IL1RAPL1: variants seen among roughly 807,000 people sequenced by gnomAD.
IL1RAPL1 encodes the protein interleukin-1 receptor accessory protein-like 1.
Under a neutral mutation model 48.4 loss-of-function variants are expected in IL1RAPL1, and 3 were observed. That is an observed-to-expected ratio of 0.06 (90% confidence interval 0.03 to 0.16). The LOEUF is 0.16. Among genes scored for constraint, IL1RAPL1 ranks in the 10% least tolerant of loss-of-function variants. IL1RAPL1 has a pLI of 1.00. For synonymous variants in IL1RAPL1, 185 were observed against 187.7 expected (o/e 0.99, Z 0.12); for missense variants, 349 against 530.6 (o/e 0.66, Z 3.36).
At chrX:28,631,698 A>G (rs1460500350) in intron 1 of IL1RAPL1, among the ~76,000 whole-genome samples, 1 of 112,725 alleles carries the variant, frequency 8.9e-6, no homozygotes, top group East Asian at 2.8e-4. Context: ...GCTTTTCTCC[A>G]AAGTAGATTT....
intron 2 of IL1RAPL1, among the ~76,000 whole-genome samples, chrX:29,074,772 A>G (rs1186741077): frequency 1.8e-5 from 2 of 112,174 alleles, no homozygotes; most frequent in Non-Finnish European, 3.8e-5. Context: ...TCATCTCCAA[A>G]CATTTTATCT....
chrX:28,888,666 T>TA (rs200993695), intron 2 of IL1RAPL1, among the ~76,000 whole-genome samples: 33 of 106,801 alleles, frequency 3.1e-4, no homozygotes, highest in Middle Eastern at 4.9e-3. Context: ...TCCATTATCT[T>TA]AAAAAAAAAA....
intron 6 of IL1RAPL1, among the ~76,000 whole-genome samples, chrX:29,694,446 G>GT (rs1323680028): frequency 9.0e-6 from 1 of 111,686 alleles, no homozygotes; most frequent in Non-Finnish European, 1.9e-5. Context: ...AAAAACTGAT[G>GT]TTTTTGCGTA....
At chrX:29,670,717 G>T (rs147508013) in intron 6 of IL1RAPL1, among the ~76,000 whole-genome samples, 12,542 of 111,552 alleles carry the variant, frequency 0.11, 664 homozygotes, top group Middle Eastern at 0.22. Context: ...ATATGTATTT[G>T]GACTTTTCAT....
chrX:29,779,543 G>A (rs1249463079), intron 6 of IL1RAPL1, among the ~76,000 whole-genome samples: 1 of 110,769 alleles, frequency 9.0e-6, no homozygotes, highest in Non-Finnish European at 1.9e-5. Flanking sequence ...CCCAACTCCC[G>A]TGACACGCAA....
At chrX:28,906,702 GATAA>G (rs201791428) in intron 2 of IL1RAPL1, among the ~76,000 whole-genome samples, 1,534 of 111,659 alleles carry the variant, frequency 0.014, 27 homozygotes, top group African/African-American at 0.048. Context: ...GATTTAAACT[GATAA>G]ATAAATTAAG....
chrX:29,113,835 G>C (rs1928621803), intron 2 of IL1RAPL1, among the ~76,000 whole-genome samples: 1 of 111,384 alleles, frequency 9.0e-6, no homozygotes, highest in Admixed American at 9.6e-5. Context: ...ATAATGATAA[G>C]TTTTTATTTC....
At chrX:29,164,991 G>A (rs1929759039) in intron 2 of IL1RAPL1, among the ~76,000 whole-genome samples, 1 of 111,979 alleles carries the variant, frequency 8.9e-6, no homozygotes, top group Non-Finnish European at 1.9e-5. Context: ...TCTAACTTGT[G>A]CTTGTAATTT....
chrX:29,446,531 C>G (rs940630523), intron 5 of IL1RAPL1, among the ~76,000 whole-genome samples: 14 of 111,376 alleles, frequency 1.3e-4, no homozygotes, highest in Admixed American at 1.2e-3. Context: ...CTGCTATTTC[C>G]TAAGGCTTAA....
chrX:29,466,813 G>A (rs1602249193), intron 5 of IL1RAPL1, among the ~76,000 whole-genome samples: 2 of 112,068 alleles, frequency 1.8e-5, no homozygotes, highest in Non-Finnish European at 3.8e-5. Context: ...ATGCTGTGAA[G>A]TAGGCAGGGA....
chrX:28,859,550 G>A (rs964879898), intron 2 of IL1RAPL1, among the ~76,000 whole-genome samples: 4 of 110,857 alleles, frequency 3.6e-5, no homozygotes, highest in African/African-American at 6.5e-5. Flanking sequence ...GAGCCACCGC[G>A]CCTGGGCAAG....
At chrX:28,658,804 G>A (rs200179648) in intron 1 of IL1RAPL1, among the ~76,000 whole-genome samples, 11 of 111,043 alleles carry the variant, frequency 9.9e-5, no homozygotes, top group Non-Finnish European at 1.3e-4. Flanking sequence ...AAGTTGAACC[G>A]CTGAAACTTG....
chrX:29,126,138 G>T (rs1231434554), intron 2 of IL1RAPL1, among the ~76,000 whole-genome samples: 1 of 110,759 alleles, frequency 9.0e-6, no homozygotes, highest in Non-Finnish European at 1.9e-5. Flanking sequence ...TTTACAGTAT[G>T]GTATCATGGA....
intron 2 of IL1RAPL1, among the ~76,000 whole-genome samples, chrX:29,158,918 C>G (rs1161398571): frequency 2.6e-5 from 2 of 77,431 alleles, no homozygotes; most frequent in East Asian, 3.9e-4. Flanking sequence ...TTTTCTCTCT[C>G]TCTCTCTCTC....
At chrX:29,786,005 AT>A (rs1219698233) in intron 6 of IL1RAPL1, among the ~76,000 whole-genome samples, 1 of 62,708 alleles carries the variant, frequency 1.6e-5, no homozygotes, top group Non-Finnish European at 2.7e-5. Context: ...GGCTTCAGAG[AT>A]TTTTTTTAAA....
At chrX:28,931,540 A>G (rs746366907) in intron 2 of IL1RAPL1, among the ~76,000 whole-genome samples, 12 of 111,996 alleles carry the variant, frequency 1.1e-4, no homozygotes, top group African/African-American at 3.9e-4. Flanking sequence ...ATCATTAACA[A>G]GTATTTAACC....
At chrX:28,783,300 G>A (rs1362663469) in intron 1 of IL1RAPL1, among the ~76,000 whole-genome samples, 7 of 112,009 alleles carry the variant, frequency 6.2e-5, no homozygotes, top group Non-Finnish European at 1.1e-4. Flanking sequence ...TGACTGCTGC[G>A]TATAGTATTC....
intron 1 of IL1RAPL1, among the ~76,000 whole-genome samples, chrX:28,704,230 T>C (rs1349224980): frequency 1.8e-5 from 2 of 111,325 alleles, no homozygotes; most frequent in East Asian, 5.7e-4. Flanking sequence ...GTACATTTGT[T>C]TTCCATCAGG....
intron 6 of IL1RAPL1, among the ~76,000 whole-genome samples, chrX:29,732,525 G>C (rs140726682): frequency 0.011 from 1,219 of 111,382 alleles, 15 homozygotes; most frequent in African/African-American, 0.037. Flanking sequence ...CCCTAACTAC[G>C]AAATTAGCTA....
Sources: gnomAD v4.1 joint callset for allele counts (sites outside exome capture counted in the v4.1 genomes callset) on GRCh38, gnomAD v4.1.1 for gene constraint, MANE v1.5 for transcripts, NCBI Gene and HGNC (gene_info 2026-07-23, HGNC 2026-07-21) for gene names.